ARFGEF3: variants seen among roughly 807,000 people sequenced by gnomAD.
ARFGEF3 encodes ARFGEF family member 3.
ARFGEF3 carries 96 observed loss-of-function variants against 221.7 expected under a neutral mutation model. The ratio of observed to expected loss-of-function variants is 0.43; its 90% CI spans 0.37 to 0.51. The LOEUF (loss-of-function observed/expected upper bound fraction) is 0.51. Ranked by LOEUF, ARFGEF3 falls within the 20% of genes least tolerant of loss-of-function variation. The pLI is 0.00. For synonymous variants in ARFGEF3, 1,145 were observed against 1,126.8 expected (o/e 1.02, Z -0.32); for missense variants, 2,410 against 2,789.9 (o/e 0.86, Z 3.07).
intron 2 of ARFGEF3, among the ~76,000 whole-genome samples, chr6:138,201,438 G>C (rs1777534262): frequency 6.6e-6 from 1 of 152,202 alleles, no homozygotes; most frequent in South Asian, 2.1e-4. Flanking sequence ...ATCAGTCAAT[G>C]AGTGGATAAA....
At chr6:138,295,018 G>A (rs927272613) in intron 20 of ARFGEF3, among the ~76,000 whole-genome samples, 1 of 152,178 alleles carries the variant, frequency 6.6e-6, no homozygotes, top group African/African-American at 2.4e-5. Context: ...TTTAAAACCT[G>A]AGCTATATAA....
At chr6:138,283,338 G>A (rs1297387308) in intron 14 of ARFGEF3, among the ~76,000 whole-genome samples, 1 of 152,200 alleles carries the variant, frequency 6.6e-6, no homozygotes, top group Non-Finnish European at 1.5e-5. Flanking sequence ...ATAAGTAACA[G>A]ACTATTCGCA....
chr6:138,234,105 T>G (rs1778241750), intron 5 of ARFGEF3, among the ~76,000 whole-genome samples: 1 of 152,208 alleles, frequency 6.6e-6, no homozygotes, highest in African/African-American at 2.4e-5. Context: ...ATACCTCCCT[T>G]AAACCTCTTA....
At chr6:138,321,333 G>A (rs1008463552) in intron 29 of ARFGEF3, 108 bp downstream of exon 29, 1 of 630,412 alleles carries the variant, frequency 1.6e-6, no homozygotes. Context: ...ATTGCTTTCT[G>A]TAAGTAGACT....
Position 138,247,913 on chromosome 6 carries a change from G to A in ARFGEF3, c.665+2322G>A, listed in dbSNP as rs929452017. 7.9e-5 allele frequency among the ~76,000 whole-genome samples: 12 copies of A among 152,332 alleles called. No homozygotes were observed. The South Asian group carries it at 1.7e-3, about 21-fold the overall frequency. ...TTCATTTTAGTAACTTCTTATATGA[G>A]GGAGCCTGTCCACCACGGGAAACCA... On this transcript the variant is annotated intron_variant, in intron 8 of 33. Coordinates refer to ENST00000251691, the MANE Select transcript of ARFGEF3 (RefSeq NM_020340.5).
At chr6:138,308,913 G>T in intron 24 of ARFGEF3, 52 bp downstream of exon 24, 6 of 1,610,640 alleles carry the variant, frequency 3.7e-6, no homozygotes, top group Admixed American at 1.7e-5. Flanking sequence ...CCCTTTCCAG[G>T]GTGGCTCTGT....
chr6:138,206,990 G>T lies in ARFGEF3; in HGVS notation c.138-52G>T, dbSNP rs1248983464. ...GGTGTACATAAGGCTTACATCACTT[G>T]ACTGCCAGCTTTACTGAGCTCACAT... On this transcript the variant is annotated intron_variant, in intron 2 of 33. Coordinates refer to ENST00000251691, the MANE Select transcript of ARFGEF3 (RefSeq NM_020340.5). 9 of 1,465,006 alleles carry T rather than the reference G, an allele frequency of 6.1e-6. No individual in the cohort carries two copies. The East Asian group carries it at 1.9e-4, about 31-fold the overall frequency. The allele number at this position is 1,465,006 out of a possible 1,614,324, so 90.8% of individuals were successfully genotyped here.
At position 138,317,359 on chromosome 6, in the gene ARFGEF3, G is replaced by A; in HGVS notation, c.4454G>A (p.Arg1485Lys). 1.2e-6 allele frequency: 2 copies of A among 1,614,014 alleles called. No individual in the cohort carries two copies. The highest frequency in any genetic ancestry group is 1.7e-6 in the Non-Finnish European group (2 of 1,179,898). Residue 1485 changes from arginine to lysine, a missense_variant, in exon 27 of 34, where the codon AGA becomes AAA. By Grantham distance (26) the Arg-to-Lys change is conservative (BLOSUM62 2). Transcript: ENST00000251691. ...PTLDLLFELL[R>K]DVTKTPGPGF... ...CTGGATTTACTCTTTGAGCTGTTGA[G>A]AGATGTGACGAAAACACCAGGTAAA...
rs182345068 is a variant in ARFGEF3, at chr6:138,192,908, A to G, written c.138-14134A>G. Among the ~76,000 whole-genome samples the G allele has an allele frequency of 2.6e-5, 4 of 152,264 alleles. No homozygotes were observed. In the East Asian group the frequency reaches 5.8e-4, roughly 22 times the overall value. On this transcript the variant is annotated intron_variant, in intron 2 of 33. Coordinates refer to ENST00000251691, the MANE Select transcript of ARFGEF3 (RefSeq NM_020340.5). Reference sequence around the variant, plus strand: ...TTTGACCAAGAGTAGTTTGACTCCAAACATTTTTTTTTTATGATAGTCTGT... The same window carrying G: ...TTTGACCAAGAGTAGTTTGACTCCAGACATTTTTTTTTTATGATAGTCTGT...
chr6:138,238,705 T>G, intron 6 of ARFGEF3, 74 bp downstream of exon 6: 1 of 1,442,590 alleles, frequency 6.9e-7, no homozygotes, highest in Non-Finnish European at 9.6e-7. Context: ...GGGCCCCCAC[T>G]GCCAGGGCTG....
chr6:138,291,874 C>T lies in ARFGEF3; in HGVS notation c.3189C>T (p.Pro1063=), dbSNP rs1234466127. The T allele has an allele frequency of 7.3e-6, 11 of 1,498,904 alleles. No individual in the cohort carries two copies. The highest frequency in any genetic ancestry group is 1.3e-5 in the South Asian group (1 of 78,164). 92.9% of individuals were successfully genotyped at this position (1,498,904 alleles called of 1,614,324 possible). A position where few individuals can be genotyped will look rare whatever the true frequency, so the allele number is the denominator to read the frequency against. The part of the protein sequence containing the change: ...LGDPECEGSP[P]EHSPEQGRSL... ...ACCCCGAGTGTGAGGGCTCGCCCCC[C>T]GAGCACAGCCCGGAGCAGGGGCGCT... Residue 1063 remains proline (P), a synonymous_variant, in exon 19 of 34, where the codon CCC becomes CCT. Transcript: ENST00000251691. This position sits in a 1 kb window ranked among gnomAD's most constrained non-coding sequence, Gnocchi z 4.5.
chr6:138,300,087 A>G (rs1253003517), intron 22 of ARFGEF3, among the ~76,000 whole-genome samples: 5 of 152,224 alleles, frequency 3.3e-5, no homozygotes, highest in Non-Finnish European at 5.9e-5. Context: ...AAACAAGGCA[A>G]CGGAGAGAAC....
Position 138,334,357 on chromosome 6 carries a change from G to C in ARFGEF3, c.5511G>C (p.Val1837=), listed in dbSNP as rs1780280881. ...TNQETITAEQ[V]KKVLFEDDER... ...AAGAAACCATCACGGCCGAGCAAGT[G>C]AAGAAGGTCCTTTTTGAGGACGACG... Residue 1837 remains valine (V), a synonymous_variant, in exon 33 of 34, where the codon GTG becomes GTC. Coordinates refer to ENST00000251691, the MANE Select transcript of ARFGEF3 (RefSeq NM_020340.5). The surrounding 1 kb of genome is among the most constrained non-coding windows in gnomAD (Gnocchi z 5.1). 1 of 1,613,688 alleles carries C rather than the reference G, an allele frequency of 6.2e-7. No homozygotes were observed. Among genetic ancestry groups the C allele is most frequent in the East Asian group, 2.2e-5 (1 of 44,880 alleles).
intron 4 of ARFGEF3, among the ~76,000 whole-genome samples, chr6:138,221,399 TAGTG>T (rs1777980697): frequency 6.6e-6 from 1 of 152,218 alleles, no homozygotes; most frequent in African/African-American, 2.4e-5. Context: ...ATTACAGCCT[TAGTG>T]AGGTTGATGT....
intron 17 of ARFGEF3, among the ~76,000 whole-genome samples, chr6:138,288,577 T>C (rs1218147005): frequency 3.3e-5 from 5 of 151,800 alleles, no homozygotes; most frequent in Non-Finnish European, 7.4e-5. Flanking sequence ...TAATCCCAGC[T>C]ACTTCAGAGG....
At chr6:138,267,543 G>A (rs1340407951) in intron 12 of ARFGEF3, among the ~76,000 whole-genome samples, 1 of 152,196 alleles carries the variant, frequency 6.6e-6, no homozygotes, top group Non-Finnish European at 1.5e-5. Context: ...AATTCCAGAT[G>A]AATGAATTGT....
chr6:138,325,432 C>T (rs983210671), intron 31 of ARFGEF3, among the ~76,000 whole-genome samples: 1 of 152,202 alleles, frequency 6.6e-6, no homozygotes, highest in Non-Finnish European at 1.5e-5. Context: ...ACATGCCTGA[C>T]ATCTGGGACT....
chr6:138,257,671 G>A (rs77783764), intron 10 of ARFGEF3, among the ~76,000 whole-genome samples: 3 of 152,098 alleles, frequency 2.0e-5, no homozygotes, highest in African/African-American at 4.8e-5. Flanking sequence ...ACATTGCAGC[G>A]CAAATGACCC....
At chr6:138,226,357 C>G (rs532788428) in intron 4 of ARFGEF3, among the ~76,000 whole-genome samples, 35 of 152,074 alleles carry the variant, frequency 2.3e-4, no homozygotes, top group Non-Finnish European at 4.9e-4. Flanking sequence ...TCCCTAAACC[C>G]AGGGTTTCTG....
Sources: allele counts gnomAD v4.1 joint callset (sites outside exome capture counted in the v4.1 genomes callset), GRCh38; gene constraint gnomAD v4.1.1; non-coding constraint Gnocchi (gnomAD v3.1); transcripts MANE v1.5; gene names NCBI Gene and HGNC (gene_info 2026-07-23, HGNC 2026-07-21).